TMED10: variants seen among roughly 807,000 people sequenced by gnomAD.
TMED10 encodes the protein transmembrane emp24 domain-containing protein 10.
In TMED10, 7 loss-of-function variants were observed where a neutral mutation model predicts 23.1. The ratio of observed to expected loss-of-function variants is 0.30; its 90% confidence interval spans 0.17 to 0.57. The LOEUF (loss-of-function observed/expected upper bound fraction) is 0.57. Among genes scored for constraint, TMED10 ranks in the 20% least tolerant of loss-of-function variants. The pLI, the probability that TMED10 is intolerant of heterozygous loss-of-function variation, is 0.91. For synonymous variants in TMED10, 113 were observed against 106.9 expected, an observed-to-expected ratio of 1.06 and a Z score of -0.35; for missense variants, 162 against 274.8, an observed-to-expected ratio of 0.59 and a Z score of 2.90.
rs1594862305 is a variant in TMED10 at position 75,134,378 on chromosome 14, A to C, written c.*507T>G. On this transcript the variant is annotated 3_prime_UTR_variant, in exon 5 of 5. Coordinates refer to ENST00000303575, the MANE Select transcript of TMED10 (RefSeq NM_006827.6). The stretch of plus-strand genomic sequence containing the variant: ...AAGAGATATAAAATCATGAAAAGAT[A>C]TCACCAGAAGCTATGTAAACATTTC... The C allele has an allele frequency of 6.5e-6, 1 of 154,828 alleles. No homozygotes were observed. The highest frequency in any genetic ancestry group is 6.4e-5 in the Admixed American group (1 of 15,720). The allele number at this position is 154,828 out of a possible 1,614,324, so 9.6% of individuals were successfully genotyped here. A position where few individuals can be genotyped will look rare whatever the true frequency, so the allele number is the denominator to read the frequency against.
intron 1 of TMED10, among the ~76,000 whole-genome samples, chr14:75,154,037 C>G (rs981920640): frequency 2.7e-5 from 4 of 150,708 alleles, no homozygotes; most frequent in Admixed American, 2.6e-4. Flanking sequence ...TCCCAAAGTG[C>G]TGGGGTTACA....
intron 1 of TMED10, among the ~76,000 whole-genome samples, chr14:75,153,058 G>C (rs1468017047): frequency 6.6e-6 from 1 of 152,182 alleles, no homozygotes; most frequent in Non-Finnish European, 1.5e-5. Context: ...GGAGGCGGAG[G>C]TTGCAGTGAG....
At chr14:75,147,503 A>T in intron 3 of TMED10, 161 bp downstream of exon 3, 2 of 805,360 alleles carry the variant, frequency 2.5e-6, no homozygotes, top group Non-Finnish European at 4.2e-6. Context: ...TAAGGCTGTT[A>T]ATACCACTTT....
chr14:75,160,461 G>T (rs1786153033), intron 1 of TMED10, among the ~76,000 whole-genome samples: 1 of 151,834 alleles, frequency 6.6e-6, no homozygotes, highest in Admixed American at 6.6e-5. Context: ...AAGGTCATCT[G>T]GTTTCTCAAG....
Position 75,160,072 on chromosome 14 carries a change from G to A in TMED10, c.226-7929C>T, listed in dbSNP as rs141891066. On this transcript the variant is annotated intron_variant, in intron 1 of 4. Transcript: ENST00000303575. ...CTTCAGATGACACAACTACATGAGG[G>A]AATTTATCTGGATATTTGGAAATCC... 2.0e-3 allele frequency among the ~76,000 whole-genome samples: 298 copies of A among 152,234 alleles called. 2 individuals are homozygous for A. The highest frequency in any genetic ancestry group is 6.6e-3 in the African/African-American group (275 of 41,556).
Position 75,134,520 on chromosome 14 carries a change from CA to C in TMED10, c.*364del, listed in dbSNP as rs1162484834. 6.0e-6 allele frequency: 1 copy of C among 167,988 alleles called. No homozygotes were observed. The highest frequency in any genetic ancestry group is 1.6e-4 in the East Asian group (1 of 6,164). 10.4% of individuals were successfully genotyped at this position (167,988 alleles called of 1,614,324 possible). The stretch of plus-strand genomic sequence containing the variant: ...TGGTAAAAGAACTAGAATGGAAGCC[CA>C]AGCTGCTGAGCAAGTGGGAGAAGAA... On this transcript the variant is annotated 3_prime_UTR_variant, in exon 5 of 5. Coordinates refer to ENST00000303575, the MANE Select transcript of TMED10 (RefSeq NM_006827.6).
rs534766614 is a variant in TMED10, at chr14:75,167,002, C to A, written c.225+9353G>T. Among the ~76,000 whole-genome samples, 9 of 142,966 alleles carry A rather than the reference C, an allele frequency of 6.3e-5. 1 individual carries two copies. The South Asian group carries it at 2.0e-3, about 31-fold the overall frequency. The allele number at this position is 142,966 out of a possible 152,430, so 93.8% of individuals were successfully genotyped here. ...TGTCGCCCAGGCTGGAGTGCAGTGGCGTGATCTCGGCTCACTGCAACCTCC... is the reference window on the plus strand; with the variant it reads ...TGTCGCCCAGGCTGGAGTGCAGTGGAGTGATCTCGGCTCACTGCAACCTCC... On this transcript the variant is annotated intron_variant, in intron 1 of 4. Coordinates refer to ENST00000303575, the MANE Select transcript of TMED10 (RefSeq NM_006827.6).
chr14:75,158,104 G>A (rs1247826768), intron 1 of TMED10, among the ~76,000 whole-genome samples: 1 of 152,178 alleles, frequency 6.6e-6, no homozygotes, highest in East Asian at 1.9e-4. Context: ...CTTTGCATCA[G>A]TGCAAATCAG....
At chr14:75,145,851 T>C (rs1895877286) in intron 3 of TMED10, among the ~76,000 whole-genome samples, 1 of 152,060 alleles carries the variant, frequency 6.6e-6, no homozygotes, top group African/African-American at 2.4e-5. Context: ...TTACAATAGG[T>C]AAAATTCCAC....
intron 3 of TMED10, among the ~76,000 whole-genome samples, chr14:75,137,245 C>T (rs1895761079): frequency 1.3e-5 from 2 of 150,566 alleles, no homozygotes; most frequent in African/African-American, 2.4e-5. Flanking sequence ...CTCTTGACCT[C>T]GTGATCCACC....
intron 1 of TMED10, among the ~76,000 whole-genome samples, chr14:75,172,311 CT>C (rs571301119): frequency 0.017 from 2,465 of 142,934 alleles, 30 homozygotes; most frequent in African/African-American, 0.033. Context: ...AATCATTGTT[CT>C]TTTTTTTTTT....
At chr14:75,144,439 T>A (rs1338239839) in intron 3 of TMED10, among the ~76,000 whole-genome samples, 1 of 152,248 alleles carries the variant, frequency 6.6e-6, no homozygotes, top group Non-Finnish European at 1.5e-5. Context: ...CAACAAGACT[T>A]AATGCTTCTT....
chr14:75,136,159 AT>A (rs1566668338), intron 3 of TMED10, among the ~76,000 whole-genome samples: 1 of 151,998 alleles, frequency 6.6e-6, no homozygotes, highest in Admixed American at 6.6e-5. Context: ...TTGTCTCAAG[AT>A]TTTTTACTTT....
chr14:75,139,594 C>T (rs1313320241), intron 3 of TMED10, among the ~76,000 whole-genome samples: 3 of 150,266 alleles, frequency 2.0e-5, no homozygotes, highest in African/African-American at 7.4e-5. Flanking sequence ...CAAGATCATG[C>T]CACTATACTC....
At chr14:75,140,416 GAA>G (rs914079615) in intron 3 of TMED10, among the ~76,000 whole-genome samples, 1 of 150,520 alleles carries the variant, frequency 6.6e-6, no homozygotes, top group African/African-American at 2.4e-5. Context: ...TTTTACAAAA[GAA>G]AAAAATTAGC....
chr14:75,133,353 G>A lies in TMED10; in HGVS notation c.*1532C>T, dbSNP rs2139827265. ...AAAGACATGAAGACATTTCACCGAA[G>A]AGGATACATAGATGGCAAATTAGCA... On this transcript the variant is annotated 3_prime_UTR_variant, in exon 5 of 5. Coordinates refer to ENST00000303575, the MANE Select transcript of TMED10 (RefSeq NM_006827.6). 6.6e-6 allele frequency: 1 copy of A among 152,290 alleles called. No individual in the cohort carries two copies. Among genetic ancestry groups the A allele is most frequent in the South Asian group, 2.1e-4 (1 of 4,828 alleles). 9.4% of individuals were successfully genotyped at this position (152,290 alleles called of 1,614,324 possible).
chr14:75,149,775 T>TA (rs2139842090), intron 2 of TMED10, among the ~76,000 whole-genome samples: 1 of 152,302 alleles, frequency 6.6e-6, no homozygotes, highest in East Asian at 1.9e-4. Flanking sequence ...GCTCAGATAT[T>TA]AAAATCGGAG....
intron 1 of TMED10, among the ~76,000 whole-genome samples, chr14:75,167,016 A>G (rs1464450276): frequency 7.1e-6 from 1 of 140,902 alleles, no homozygotes; most frequent in Non-Finnish European, 1.5e-5. Context: ...ATCTCGGCTC[A>G]CTGCAACCTC....
Position 75,134,722 on chromosome 14 carries a change from G to T in TMED10, c.*163C>A, listed in dbSNP as rs187886161. On this transcript the variant is annotated 3_prime_UTR_variant, in exon 5 of 5. Transcript: ENST00000303575. The stretch of plus-strand genomic sequence containing the variant: ...GAAGTCCCTCATTGACTTGTTGGGT[G>T]TAGGTGGTACCCCATGTCCTCCCAC... 1.8e-4 allele frequency: 147 copies of T among 834,396 alleles called. No individual in the cohort carries two copies. Among genetic ancestry groups the T allele is most frequent in the South Asian group, 4.2e-4 (24 of 57,362 alleles). 51.7% of individuals were successfully genotyped at this position (834,396 alleles called of 1,614,324 possible).
Sources: gnomAD v4.1 joint callset for allele counts (sites outside exome capture counted in the v4.1 genomes callset) on GRCh38, gnomAD v4.1.1 for gene constraint, MANE v1.5 for transcripts, NCBI Gene and HGNC (gene_info 2026-07-23, HGNC 2026-07-21) for gene names.